EVL: variants seen among roughly 807,000 people sequenced by gnomAD.
EVL encodes ena/VASP-like protein.
In EVL, 21 loss-of-function variants were observed where a neutral mutation model predicts 59.6. The ratio of observed to expected loss-of-function variants is 0.35; its 90% confidence interval spans 0.25 to 0.51. EVL has a LOEUF of 0.51. EVL is among the 20% of genes least tolerant of loss of function. The pLI, the probability that EVL is intolerant of heterozygous loss-of-function variation, is 0.97. For missense variants in EVL, 462 were observed against 546.6 expected (o/e 0.85, Z 1.54); for synonymous variants, 198 against 203.5 (o/e 0.97, Z 0.23).
chr14:100,011,420 GAT>G (rs1382916362), intron 1 of EVL, among the ~76,000 whole-genome samples: 2 of 152,118 alleles, frequency 1.3e-5, no homozygotes, highest in Non-Finnish European at 2.9e-5. Flanking sequence ...TAATAGAAAA[GAT>G]AACCTCAAAG....
At chr14:100,103,332 G>A (rs929957387) in intron 3 of EVL, among the ~76,000 whole-genome samples, 16 of 151,990 alleles carry the variant, frequency 1.1e-4, no homozygotes, top group East Asian at 5.8e-4. Context: ...AAAAGTCAGC[G>A]TCCTGTAGGG....
intron 1 of EVL, among the ~76,000 whole-genome samples, chr14:100,015,103 C>A (rs1304535221): frequency 6.6e-6 from 1 of 152,194 alleles, no homozygotes; most frequent in Non-Finnish European, 1.5e-5. Flanking sequence ...TGGCTGTGTG[C>A]CCCACAGCCT....
Position 100,100,715 on chromosome 14 carries a change from A to C in EVL, c.358+3057A>C, listed in dbSNP as rs1310396090. Reference sequence around the variant, plus strand: ...GATTGCTTGAGCCCAGGAGGCAGAGATTGCAGTTGCAGTGAGCCAAGATTG... The same window carrying C: ...GATTGCTTGAGCCCAGGAGGCAGAGCTTGCAGTTGCAGTGAGCCAAGATTG... On this transcript the variant is annotated intron_variant, in intron 3 of 13. Transcript: ENST00000392920. Among the ~76,000 whole-genome samples, 5 of 143,344 alleles carry C rather than the reference A, an allele frequency of 3.5e-5. No homozygotes were observed. In the Admixed American group the frequency reaches 3.6e-4, roughly 10 times the overall value. 94.0% of individuals were successfully genotyped at this position (143,344 alleles called of 152,430 possible).
At chr14:99,973,694 C>T (rs948096560) in intron 1 of EVL, among the ~76,000 whole-genome samples, 3 of 152,188 alleles carry the variant, frequency 2.0e-5, no homozygotes, top group Non-Finnish European at 2.9e-5. Context: ...AACTCCTGAC[C>T]TCAGGTGATC....
At chr14:99,985,969 C>A (rs1162248347) in intron 1 of EVL, among the ~76,000 whole-genome samples, 7 of 151,938 alleles carry the variant, frequency 4.6e-5, no homozygotes, top group African/African-American at 1.7e-4. Flanking sequence ...ACATACTAAA[C>A]CTTGGAGCCT....
At chr14:100,040,003 C>T (rs1342751577) in intron 1 of EVL, among the ~76,000 whole-genome samples, 1 of 152,112 alleles carries the variant, frequency 6.6e-6, no homozygotes, top group Non-Finnish European at 1.5e-5. Context: ...TGATCTCAAA[C>T]TCCCGGGCTC....
chr14:100,028,428 T>C (rs2061256059), intron 1 of EVL, among the ~76,000 whole-genome samples: 1 of 152,232 alleles, frequency 6.6e-6, no homozygotes, highest in Admixed American at 6.5e-5. Flanking sequence ...TCAGAATATA[T>C]GTTTTCTTTG....
At chr14:100,067,417 A>G (rs2061954234) in intron 1 of EVL, among the ~76,000 whole-genome samples, 2 of 152,214 alleles carry the variant, frequency 1.3e-5, no homozygotes, top group Admixed American at 6.5e-5. Flanking sequence ...GTGCATGACA[A>G]CGTACAGAAT....
chr14:100,043,987 C>T (rs1055529686), intron 1 of EVL, among the ~76,000 whole-genome samples: 4 of 152,120 alleles, frequency 2.6e-5, no homozygotes, highest in Non-Finnish European at 5.9e-5. Context: ...TAAAGTCCTA[C>T]GATAGACCCG....
rs1460817129 is a variant in EVL, at chr14:100,130,671, C to CA, written c.839+988dup. Among the ~76,000 whole-genome samples the CA allele has an allele frequency of 3.9e-5, 6 of 152,240 alleles. No homozygotes were observed. Among genetic ancestry groups the CA allele is most frequent in the Admixed American group, 3.9e-4 (6 of 15,288 alleles). On this transcript the variant is annotated intron_variant, in intron 7 of 13. Coordinates refer to ENST00000392920, the MANE Select transcript of EVL (RefSeq NM_016337.3). The surrounding 1 kb of genome is among the most constrained non-coding windows in gnomAD (Gnocchi z 4.8). ...GCTCCATGAGGATGATGCGAGATGA[C>CA]AGAGGCCCACAGCTGCAGGCAGCTG...
upstream of EVL, among the ~76,000 whole-genome samples, chr14:100,062,149 T>C (rs1181457167): frequency 6.6e-6 from 1 of 151,106 alleles, no homozygotes; most frequent in Non-Finnish European, 1.5e-5. Flanking sequence ...AAAAAAGAAA[T>C]AGTAGTATAA....
At chr14:100,027,630 C>T (rs1007182156) in intron 1 of EVL, among the ~76,000 whole-genome samples, 4 of 151,278 alleles carry the variant, frequency 2.6e-5, no homozygotes, top group Admixed American at 6.6e-5. Flanking sequence ...ATTTATACCA[C>T]TTTTTTTTTA....
intron 1 of EVL, among the ~76,000 whole-genome samples, chr14:100,002,855 T>C (rs925003557): frequency 6.6e-6 from 1 of 152,222 alleles, no homozygotes; most frequent in Non-Finnish European, 1.5e-5. Flanking sequence ...GACTTAATTT[T>C]CCAAACAATA....
At chr14:100,038,016 G>A (rs1240674324) in intron 1 of EVL, among the ~76,000 whole-genome samples, 1 of 152,178 alleles carries the variant, frequency 6.6e-6, no homozygotes, top group African/African-American at 2.4e-5. Flanking sequence ...TGATCACCAG[G>A]TTAGTTAGCA....
At chr14:100,064,129 T>TG (rs1291719724), upstream of EVL, among the ~76,000 whole-genome samples, 4 of 152,250 alleles carry the variant, frequency 2.6e-5, no homozygotes, top group South Asian at 2.1e-4. Flanking sequence ...CCTTTTAAAA[T>TG]GCATTTTTAG....
intron 13 of EVL, 65 bp downstream of exon 13, chr14:100,141,858 C>T (rs963906444): frequency 1.3e-6 from 2 of 1,529,032 alleles, no homozygotes; most frequent in Non-Finnish European, 1.8e-6. Context: ...GTCCCTGTCA[C>T]CCAGGCTGGG....
chr14:100,028,126 G>T (rs202012082), intron 1 of EVL, among the ~76,000 whole-genome samples: 112 of 105,676 alleles, frequency 1.1e-3, no homozygotes, highest in African/African-American at 5.0e-3. Flanking sequence ...TTGTTTTTTT[G>T]TTTGTTTGTT....
At chr14:100,057,544 G>A (rs1311059073) in intron 1 of EVL, among the ~76,000 whole-genome samples, 2 of 152,114 alleles carry the variant, frequency 1.3e-5, no homozygotes, top group East Asian at 3.9e-4. Flanking sequence ...TCTTCCCTCT[G>A]GTATAAGAAA....
intron 3 of EVL, among the ~76,000 whole-genome samples, chr14:100,099,442 A>G (rs995105803): frequency 2.0e-5 from 3 of 152,302 alleles, no homozygotes; most frequent in Middle Eastern, 3.4e-3. Context: ...AATAAAGAAC[A>G]TGTTTTGAAC....
Sources: allele counts gnomAD v4.1 joint callset (sites outside exome capture counted in the v4.1 genomes callset), GRCh38; gene constraint gnomAD v4.1.1; non-coding constraint Gnocchi (gnomAD v3.1); transcripts MANE v1.5; gene names NCBI Gene and HGNC (gene_info 2026-07-23, HGNC 2026-07-21).